Variants in GLCE observed in about 807,000 individuals in gnomAD.
GLCE encodes the protein glucuronic acid epimerase.
A neutral mutation model predicts 47.9 loss-of-function variants in GLCE; 19 were observed. The observed-to-expected ratio is 0.40, with a 90% confidence interval of 0.28 to 0.58. The LOEUF (loss-of-function observed/expected upper bound fraction) is 0.58, where lower values mean the gene tolerates loss of function less well. Among genes scored for constraint, GLCE ranks in the 20% least tolerant of loss-of-function variants. GLCE has a pLI of 0.48. For missense variants in GLCE, 556 were observed against 743.3 expected, an observed-to-expected ratio of 0.75 and a Z score of 2.93; for synonymous variants, 245 against 263.4, an observed-to-expected ratio of 0.93 and a Z score of 0.68.
At chr15:69,204,201 A>G (rs1039425929) in intron 1 of GLCE, among the ~76,000 whole-genome samples, 1 of 151,746 alleles carries the variant, frequency 6.6e-6, no homozygotes, top group Non-Finnish European at 1.5e-5. Flanking sequence ...TCCAGCTTGC[A>G]TTCCTCATCC....
intron 1 of GLCE, among the ~76,000 whole-genome samples, chr15:69,175,134 G>C (rs1232422747): frequency 6.6e-6 from 1 of 151,832 alleles, no homozygotes; most frequent in Non-Finnish European, 1.5e-5. Context: ...GAATTTCCAT[G>C]TTTAGTTTCT....
intron 1 of GLCE, among the ~76,000 whole-genome samples, chr15:69,170,763 G>T (rs972158552): frequency 6.6e-6 from 1 of 152,178 alleles, no homozygotes; most frequent in Non-Finnish European, 1.5e-5. Flanking sequence ...GCAGTATTTG[G>T]CGGTAATTTT....
chr15:69,240,491 T>G (rs1249000394), intron 2 of GLCE, among the ~76,000 whole-genome samples: 1 of 152,004 alleles, frequency 6.6e-6, no homozygotes, highest in Non-Finnish European at 1.5e-5. Context: ...TGTGGAGTCT[T>G]TGGAGTGAGA....
chr15:69,248,959 T>A (rs2052796494), intron 2 of GLCE, among the ~76,000 whole-genome samples: 1 of 152,186 alleles, frequency 6.6e-6, no homozygotes, highest in South Asian at 2.1e-4. Flanking sequence ...CCAGCCCTCA[T>A]GGAATTTGCA....
chr15:69,163,214 CT>C (rs887852571), intron 1 of GLCE, among the ~76,000 whole-genome samples: 12 of 150,124 alleles, frequency 8.0e-5, no homozygotes, highest in South Asian at 2.1e-4. Context: ...GTTTCAGAAA[CT>C]TTTTTTTTTC....
At chr15:69,222,761 C>G (rs1293144007) in intron 2 of GLCE, among the ~76,000 whole-genome samples, 1 of 152,168 alleles carries the variant, frequency 6.6e-6, no homozygotes, top group Non-Finnish European at 1.5e-5. Context: ...TGTTTGGGTC[C>G]TCTGCAACTG....
intron 1 of GLCE, among the ~76,000 whole-genome samples, chr15:69,190,853 C>T (rs949023441): frequency 5.9e-5 from 9 of 152,120 alleles, no homozygotes; most frequent in South Asian, 2.1e-4. Context: ...ATTTTTCTCT[C>T]TTTTCTTGGC....
rs2053007125 is a variant in GLCE, at chr15:69,261,106, A to G, written c.606A>G (p.Gln202=). The change falls in exon 4 of 5, where the codon CAA becomes CAG. Residue 202 remains glutamine (Q), a synonymous_variant. Coordinates refer to ENST00000261858, the MANE Select transcript of GLCE (RefSeq NM_015554.3). The part of the protein sequence containing the change: ...SGVEGVPLST[Q]WGPQGYFYPI... ...TTATAGGTGTGCCATTATCTACACA[A>G]TGGGGACCTCAAGGCTATTTCTATC... is the stretch of plus-strand genomic sequence containing the variant. 1.2e-6 allele frequency: 2 copies of G among 1,612,772 alleles called. No homozygotes were observed. Among genetic ancestry groups the G allele is most frequent in the South Asian group, 1.1e-5 (1 of 91,056 alleles).
chr15:69,213,624 A>C (rs932638823), intron 2 of GLCE, among the ~76,000 whole-genome samples: 1 of 152,146 alleles, frequency 6.6e-6, no homozygotes, highest in Non-Finnish European at 1.5e-5. Flanking sequence ...TTTCTCTATT[A>C]AAAAGTTAAT....
At chr15:69,227,035 A>G (rs564103271) in intron 2 of GLCE, among the ~76,000 whole-genome samples, 31 of 152,080 alleles carry the variant, frequency 2.0e-4, no homozygotes, top group Admixed American at 7.2e-4. Context: ...GTGAGCCACC[A>G]TGCCCAGCCA....
intron 2 of GLCE, among the ~76,000 whole-genome samples, chr15:69,234,978 T>C (rs1168721509): frequency 6.6e-6 from 1 of 151,872 alleles, no homozygotes; most frequent in Non-Finnish European, 1.5e-5. Flanking sequence ...TTCAGGGGAA[T>C]ATGTACTCTG....
chr15:69,206,318 A>C (rs970301408), intron 1 of GLCE, among the ~76,000 whole-genome samples: 1 of 152,018 alleles, frequency 6.6e-6, no homozygotes, highest in Non-Finnish European at 1.5e-5. Context: ...TGACAGCATT[A>C]CTTGGCTAAG....
At chr15:69,163,400 T>G (rs1368966657) in intron 1 of GLCE, among the ~76,000 whole-genome samples, 2 of 152,226 alleles carry the variant, frequency 1.3e-5, no homozygotes, top group African/African-American at 4.8e-5. Flanking sequence ...AAAATTGTGA[T>G]ACTGCTAAGG....
intron 2 of GLCE, among the ~76,000 whole-genome samples, chr15:69,247,821 C>T (rs1386568622): frequency 6.6e-6 from 1 of 152,106 alleles, no homozygotes; most frequent in Non-Finnish European, 1.5e-5. Context: ...TTGGAGCAGT[C>T]AGAAAACACA....
intron 4 of GLCE, among the ~76,000 whole-genome samples, chr15:69,261,964 T>G (rs2053021782): frequency 6.6e-6 from 1 of 152,218 alleles, no homozygotes; most frequent in Admixed American, 6.5e-5. Flanking sequence ...CAATGAGAAT[T>G]AATGAGTCCA....
At chr15:69,163,266 G>A (rs1460611924) in intron 1 of GLCE, among the ~76,000 whole-genome samples, 1 of 152,098 alleles carries the variant, frequency 6.6e-6, no homozygotes, top group East Asian at 1.9e-4. Context: ...GGCATAGACT[G>A]ATAAGTCAAC....
In GLCE at chr15:69,268,323, G is replaced by T. The variant is rs753232130; in HGVS notation, c.933G>T (p.Glu311Asp). The T allele has an allele frequency of 6.2e-7, 1 of 1,611,976 alleles. No homozygotes were observed. Among genetic ancestry groups the T allele is most frequent in the East Asian group, 2.2e-5 (1 of 44,880 alleles). The change falls in exon 5 of 5, where the codon GAG becomes GAT. Residue 311 changes from glutamate (E) to aspartate (D), a missense_variant. Glu to Asp is a conservative substitution (Grantham distance 45). This residue lies in a region of GLCE where 74 missense variants were observed against 64.4 expected (regional missense o/e 1.15). Coordinates refer to ENST00000261858, the MANE Select transcript of GLCE (RefSeq NM_015554.3). ...ATGGAAGTGTGTCCGTGGTTCTAGAGACCACAGAAAAGAATCAGCTCTTCA... is the reference window on the plus strand; with the variant it reads ...ATGGAAGTGTGTCCGTGGTTCTAGATACCACAGAAAAGAATCAGCTCTTCA... ...LTNGSVSVVL[E>D]TTEKNQLFTI...
chr15:69,264,703 T>C (rs2053062054), intron 4 of GLCE, among the ~76,000 whole-genome samples: 1 of 152,170 alleles, frequency 6.6e-6, no homozygotes, highest in African/African-American at 2.4e-5. Flanking sequence ...GTACTTCTTA[T>C]CTCTTCCCTT....
Position 69,172,625 on chromosome 15 carries a change from T to C in GLCE, c.-105+11868T>C, listed in dbSNP as rs570247158. ...CTTAACGATATCTTTTTAGACTAGA[T>C]AGAAAATGTGGTCCGAATAGTTACA... On this transcript the variant is annotated intron_variant, in intron 1 of 4. Coordinates refer to ENST00000261858, the MANE Select transcript of GLCE (RefSeq NM_015554.3). 1.7e-4 allele frequency among the ~76,000 whole-genome samples: 26 copies of C among 152,266 alleles called. 1 individual carries two copies. Among genetic ancestry groups the C allele is most frequent in the African/African-American group, 4.8e-4 (20 of 41,548 alleles).
Sources: gnomAD v4.1 joint callset for allele counts (sites outside exome capture counted in the v4.1 genomes callset) on GRCh38, gnomAD v4.1.1 for gene constraint, gnomAD v4.1.1 regional missense constraint, MANE v1.5 for transcripts, NCBI Gene and HGNC (gene_info 2026-07-23, HGNC 2026-07-21) for gene names.